LMBR1: variants seen among roughly 807,000 people sequenced by gnomAD.
The protein encoded by LMBR1 is limb development membrane protein 1.
Under a neutral mutation model 73.9 loss-of-function variants are expected in LMBR1, and 52 were observed. That is an observed-to-expected ratio of 0.70 (90% CI 0.56 to 0.89). The LOEUF (loss-of-function observed/expected upper bound fraction) is 0.89, where lower values mean the gene tolerates loss of function less well. Among genes scored for constraint, LMBR1 ranks in the 40% least tolerant of loss-of-function variants. The pLI, the probability that LMBR1 is intolerant of heterozygous loss-of-function variation, is 0.00. For missense variants in LMBR1, 539 were observed against 579.8 expected (o/e 0.93, Z 0.72); for synonymous variants, 215 against 209.4 (o/e 1.03, Z -0.23).
intron 15 of LMBR1, among the ~76,000 whole-genome samples, chr7:156,710,574 G>A (rs995970412): frequency 6.6e-6 from 1 of 152,312 alleles, no homozygotes; most frequent in African/African-American, 2.4e-5. Flanking sequence ...TGAGGAAGAA[G>A]AGAAATCTAA....
chr7:156,714,020 C>T (rs1156711213), intron 15 of LMBR1, among the ~76,000 whole-genome samples: 1 of 152,174 alleles, frequency 6.6e-6, no homozygotes, highest in Non-Finnish European at 1.5e-5. Flanking sequence ...ATTCCCTTCA[C>T]GGTATTGATA....
intron 1 of LMBR1, among the ~76,000 whole-genome samples, chr7:156,848,666 T>C (rs1018886222): frequency 6.6e-6 from 1 of 152,138 alleles, no homozygotes; most frequent in Non-Finnish European, 1.5e-5. Flanking sequence ...GCATGGTGAC[T>C]CACCCCTGTA....
intron 1 of LMBR1, among the ~76,000 whole-genome samples, chr7:156,878,158 A>T (rs1008048047): frequency 6.6e-6 from 1 of 152,238 alleles, no homozygotes; most frequent in African/African-American, 2.4e-5. Flanking sequence ...AAGGATGCCC[A>T]CTCTCACCAC....
chr7:156,826,720 G>C lies in LMBR1; in HGVS notation c.204C>G (p.Leu68=). ...RISLFLSTFT[L]AVSAGAVLLL... ...GCAAAACAGCCCCAGCTGACACTGC[G>C]AGAGTGAACGTGCTCAAAAACAACC... Residue 68 remains leucine, a synonymous_variant, in exon 4 of 17, where the codon CTC becomes CTG. Coordinates refer to ENST00000353442, the MANE Select transcript of LMBR1 (RefSeq NM_022458.4). The C allele has an allele frequency of 1.2e-6, 2 of 1,610,952 alleles. No homozygotes were observed. The highest frequency in any genetic ancestry group is 1.7e-6 in the Non-Finnish European group (2 of 1,178,342).
At chr7:156,859,130 G>A (rs1797378320) in intron 1 of LMBR1, among the ~76,000 whole-genome samples, 1 of 151,988 alleles carries the variant, frequency 6.6e-6, no homozygotes, top group African/African-American at 2.4e-5. Flanking sequence ...GCGCATGCCT[G>A]TAATCCCAGC....
At chr7:156,891,568 A>G (rs1802995525) in intron 1 of LMBR1, among the ~76,000 whole-genome samples, 2 of 152,154 alleles carry the variant, frequency 1.3e-5, no homozygotes, top group Admixed American at 1.3e-4. Context: ...TAATTGGAAG[A>G]GGGAAAGGAA....
At chr7:156,842,590 C>A (rs1838915179) in intron 1 of LMBR1, among the ~76,000 whole-genome samples, 1 of 152,262 alleles carries the variant, frequency 6.6e-6, no homozygotes, top group Admixed American at 6.5e-5. Context: ...TTCTCTTCCT[C>A]AAGGGGAACT....
At chr7:156,684,822 T>G (rs1478368557) in intron 16 of LMBR1, among the ~76,000 whole-genome samples, 1 of 152,160 alleles carries the variant, frequency 6.6e-6, no homozygotes, top group Non-Finnish European at 1.5e-5. Flanking sequence ...CTGGCTGCAG[T>G]GGCTCATGCC....
Position 156,881,914 on chromosome 7 carries a change from G to A in LMBR1, c.66+11014C>T, listed in dbSNP as rs528149745. On this transcript the variant is annotated intron_variant, in intron 1 of 16. Transcript: ENST00000353442. ...ATGATGCAGCTGCTATGGAAAATATGTGGGTTCCTGAAAAAATTAAAAACA... is the reference window on the plus strand; with the variant it reads ...ATGATGCAGCTGCTATGGAAAATATATGGGTTCCTGAAAAAATTAAAAACA... Among the ~76,000 whole-genome samples the A allele has an allele frequency of 3.9e-5, 6 of 152,090 alleles. No homozygotes were observed. In the South Asian group the frequency reaches 1.2e-3, roughly 32 times the overall value.
intron 9 of LMBR1, among the ~76,000 whole-genome samples, chr7:156,734,636 T>C (rs555910835): frequency 1.4e-4 from 22 of 152,274 alleles, no homozygotes; most frequent in African/African-American, 4.6e-4. Flanking sequence ...ACAAAACCTA[T>C]TGAAATAAGA....
In LMBR1 at chr7:156,826,481, C is replaced by A. The variant is rs528281125; in HGVS notation, c.319+124G>T. 301 of 568,558 alleles carry A rather than the reference C, an allele frequency of 5.3e-4. 2 individuals carry two copies. Among genetic ancestry groups the A allele is most frequent in the Non-Finnish European group, 8.1e-4 (286 of 354,410 alleles). The allele number at this position is 568,558 out of a possible 1,614,324, so 35.2% of individuals were successfully genotyped here. ...TCTGGTTTTCTGACATTATTAAAGA[C>A]CCAAATCGTTTACTGGAGGAAGTCA... On this transcript the variant is annotated intron_variant, in intron 4 of 16. Coordinates refer to ENST00000353442, the MANE Select transcript of LMBR1 (RefSeq NM_022458.4).
chr7:156,762,299 T>A, intron 7 of LMBR1, 101 bp from the exon 8 acceptor site: 1 of 749,230 alleles, frequency 1.3e-6, no homozygotes, highest in Admixed American at 2.2e-5. Flanking sequence ...TCAAGGATTA[T>A]CATTTTAAGA....
intron 5 of LMBR1, among the ~76,000 whole-genome samples, chr7:156,780,923 G>A (rs1233472384): frequency 6.6e-6 from 1 of 152,152 alleles, no homozygotes; most frequent in African/African-American, 2.4e-5. Flanking sequence ...GGGGGAGAAT[G>A]CTTAAAAGAA....
chr7:156,743,286 G>A (rs773239686), intron 9 of LMBR1, among the ~76,000 whole-genome samples: 14 of 152,020 alleles, frequency 9.2e-5, no homozygotes, highest in East Asian at 1.9e-4. Context: ...ACTTAAGTCC[G>A]CTAAATTTTC....
intron 1 of LMBR1, 197 bp downstream of exon 1, chr7:156,892,731 G>C (rs1281777136): frequency 4.2e-4 from 164 of 390,174 alleles, no homozygotes; most frequent in Admixed American, 6.8e-4. Flanking sequence ...AAGGGGAGGG[G>C]AGGGGAGAGG....
At chr7:156,869,637 G>T (rs1283279500) in intron 1 of LMBR1, among the ~76,000 whole-genome samples, 2 of 152,004 alleles carry the variant, frequency 1.3e-5, no homozygotes, top group Non-Finnish European at 2.9e-5. Context: ...ACAACAAAAT[G>T]GCAGTAGTAA....
At chr7:156,779,786 C>A in intron 5 of LMBR1, 1 of 799,616 alleles carries the variant, frequency 1.3e-6, no homozygotes, top group South Asian at 1.6e-5. Flanking sequence ...CATTAGGAAG[C>A]CTGGGAAAAC....
At chr7:156,686,023 C>T (rs1445463930) in intron 16 of LMBR1, among the ~76,000 whole-genome samples, 1 of 152,016 alleles carries the variant, frequency 6.6e-6, no homozygotes, top group Non-Finnish European at 1.5e-5. Context: ...TGGTCAGGTC[C>T]CAGGAATGAC....
At chr7:156,874,453 G>C (rs1799855081) in intron 1 of LMBR1, among the ~76,000 whole-genome samples, 1 of 152,264 alleles carries the variant, frequency 6.6e-6, no homozygotes. Context: ...GGCTCCCACA[G>C]TGCAGCGGGG....
Sources: gnomAD v4.1 joint callset for allele counts (sites outside exome capture counted in the v4.1 genomes callset) on GRCh38, gnomAD v4.1.1 for gene constraint, MANE v1.5 for transcripts, NCBI Gene and HGNC (gene_info 2026-07-23, HGNC 2026-07-21) for gene names.